Variants in NSF observed in about 807,000 individuals in gnomAD.
NSF encodes the protein vesicle-fusing ATPase.
NSF carries 14 observed loss-of-function variants against 50.3 expected under a neutral mutation model. The ratio of observed to expected loss-of-function variants is 0.28; its 90% CI spans 0.18 to 0.44. The LOEUF is 0.44. Ranked by LOEUF, NSF falls within the 20% of genes least tolerant of loss-of-function variation. NSF has a pLI of 1.00. For synonymous variants in NSF, 109 were observed against 175.7 expected, an observed-to-expected ratio of 0.62 and a Z score of 3.00; for missense variants, 218 against 504.3, an observed-to-expected ratio of 0.43 and a Z score of 5.44.
rs769365188 is a variant in NSF, at chr17:46,704,817, G to A, written c.1433G>A (p.Gly478Glu). The A allele has an allele frequency of 1.2e-6, 2 of 1,609,054 alleles. No individual in the cohort carries two copies. The highest frequency in any genetic ancestry group is 2.2e-5 in the South Asian group (2 of 89,860). Residue 478 changes from glycine (G) to glutamate (E), a missense_variant, in exon 13 of 21, where the codon GGA (glycine) becomes GAA (glutamate). By Grantham distance (98) the Gly-to-Glu change is moderately conservative (BLOSUM62 -2). This residue lies in a region of NSF where 9 missense variants were observed against 183.4 expected (regional missense o/e 0.05). Transcript: ENST00000398238. ...GCAGAAAGCCTGCAAGTGACGAGAGGAGACTTCCTTGCTTCTTTGGAGAAT... is the reference window on the plus strand; with the variant it reads ...GCAGAAAGCCTGCAAGTGACGAGAGAAGACTTCCTTGCTTCTTTGGAGAAT... ...EKAESLQVTR[G>E]DFLASLENDI...
chr17:46,690,644 G>A (rs1436223753), intron 9 of NSF, among the ~76,000 whole-genome samples: 1 of 110,002 alleles, frequency 9.1e-6, no homozygotes, highest in African/African-American at 3.5e-5. Context: ...TATATATATT[G>A]TATAGGGATG....
chr17:46,752,453 T>TC (rs778861098), intron 19 of NSF, among the ~76,000 whole-genome samples: 309 of 152,038 alleles, frequency 2.0e-3, no homozygotes, highest in Non-Finnish European at 3.7e-3. Context: ...AGTAAACTTT[T>TC]ATTATTATTA....
intron 8 of NSF, among the ~76,000 whole-genome samples, chr17:46,657,689 C>T (rs1452587204): frequency 9.0e-6 from 1 of 111,058 alleles, no homozygotes; most frequent in Non-Finnish European, 1.9e-5. Flanking sequence ...CCTCATAGCC[C>T]TTTTTAAATG....
intron 15 of NSF, among the ~76,000 whole-genome samples, 161 bp from the exon 16 acceptor site, chr17:46,726,388 T>A (rs1446548053): frequency 1.3e-5 from 2 of 152,234 alleles, no homozygotes; most frequent in East Asian, 1.9e-4. Flanking sequence ...CTGCTCTCTG[T>A]TCAGCGGTGA....
intron 17 of NSF, among the ~76,000 whole-genome samples, chr17:46,745,003 G>C (rs1256531978): frequency 6.6e-6 from 1 of 151,644 alleles, no homozygotes; most frequent in Non-Finnish European, 1.5e-5. Flanking sequence ...AGTATGCTGG[G>C]AGCAATTTCT....
At chr17:46,750,710 G>T (rs907883445) in intron 18 of NSF, among the ~76,000 whole-genome samples, 10 of 152,084 alleles carry the variant, frequency 6.6e-5, no homozygotes, top group Non-Finnish European at 1.2e-4. Context: ...AGATTACTTG[G>T]ACCAGAAACT....
chr17:46,737,387 C>T (rs2059016424), intron 17 of NSF, among the ~76,000 whole-genome samples: 1 of 152,156 alleles, frequency 6.6e-6, no homozygotes, highest in South Asian at 2.1e-4. Flanking sequence ...TTTTTAGCAT[C>T]AGCATATCCC....
At chr17:46,723,440 T>C (rs1471184633) in intron 15 of NSF, among the ~76,000 whole-genome samples, 1 of 152,250 alleles carries the variant, frequency 6.6e-6, no homozygotes, top group Admixed American at 6.5e-5. Flanking sequence ...GTAGAACTGC[T>C]TCTGAGCTTT....
In NSF at chr17:46,756,522, C is replaced by T. The variant is rs141599417; in HGVS notation, c.*699C>T. ...TTTGCTCTGTGGTAAGAGATATGCT[C>T]ATTATTACCACTTAGAAGATGTTGT... is the stretch of plus-strand genomic sequence containing the variant. On this transcript the variant is annotated 3_prime_UTR_variant, in exon 21 of 21. Coordinates refer to ENST00000398238, the MANE Select transcript of NSF (RefSeq NM_006178.4). 0.01 allele frequency: 1,548 copies of T among 152,356 alleles called. 10 individuals carry two copies. Among genetic ancestry groups the T allele is most frequent in the Non-Finnish European group, 0.015 (1,049 of 68,008 alleles). 9.4% of individuals were successfully genotyped at this position (152,356 alleles called of 1,614,324 possible). A position where few individuals can be genotyped will look rare whatever the true frequency, so the allele number is the denominator to read the frequency against.
At chr17:46,711,529 G>C (rs1052157724) in intron 14 of NSF, among the ~76,000 whole-genome samples, 4 of 152,190 alleles carry the variant, frequency 2.6e-5, no homozygotes, top group African/African-American at 7.2e-5. Context: ...CCTGACTACG[G>C]TGTATGTGTG....
intron 15 of NSF, among the ~76,000 whole-genome samples, chr17:46,724,865 C>G (rs936800197): frequency 1.2e-4 from 18 of 152,120 alleles, no homozygotes; most frequent in African/African-American, 4.1e-4. Context: ...AGATGGCTTC[C>G]TCTGTCATGG....
chr17:46,733,339 C>T (rs1480948736), intron 17 of NSF, among the ~76,000 whole-genome samples: 1 of 152,070 alleles, frequency 6.6e-6, no homozygotes, highest in East Asian at 1.9e-4. Context: ...TAGATCTCTT[C>T]TGCCACCTTC....
intron 9 of NSF, among the ~76,000 whole-genome samples, chr17:46,688,253 G>A (rs1022806681): frequency 6.6e-6 from 1 of 151,090 alleles, no homozygotes; most frequent in Admixed American, 6.6e-5. Context: ...GCTCACGCCT[G>A]TAATCCTAGC....
chr17:46,719,692 G>A lies in NSF; in HGVS notation c.1761+5706G>A, dbSNP rs2058808824. Among the ~76,000 whole-genome samples the A allele has an allele frequency of 6.6e-6, 1 of 151,818 alleles. No individual in the cohort carries two copies. On this transcript the variant is annotated intron_variant, in intron 15 of 20. Coordinates refer to ENST00000398238, the MANE Select transcript of NSF (RefSeq NM_006178.4). This position sits in a 1 kb window ranked among gnomAD's most constrained non-coding sequence, Gnocchi z 4.3. ...AATTTTAATTCCTTTATCCATTTTT[G>A]CATCAATACTTGTTTAAAAATCTAT...
chr17:46,723,122 T>G lies in NSF; in HGVS notation c.1762-3427T>G, dbSNP rs796856526. On this transcript the variant is annotated intron_variant, in intron 15 of 20. Transcript: ENST00000398238. ...ATACCATGTAGCAAGTCATCATTAG[T>G]TTAGACCTAAGCAATGTCCTGAGTA... Among the ~76,000 whole-genome samples the G allele has an allele frequency of 2.0e-5, 3 of 152,300 alleles. No individual in the cohort carries two copies. The East Asian group carries it at 5.8e-4, about 29-fold the overall frequency.
At chr17:46,739,268 G>A (rs1467903416) in intron 17 of NSF, among the ~76,000 whole-genome samples, 2 of 151,750 alleles carry the variant, frequency 1.3e-5, no homozygotes, top group Non-Finnish European at 2.9e-5. Context: ...CTACTCAGGA[G>A]GCTGAGGCAG....
intron 15 of NSF, among the ~76,000 whole-genome samples, chr17:46,716,354 T>C (rs2058769255): frequency 6.6e-6 from 1 of 152,010 alleles, no homozygotes; most frequent in African/African-American, 2.4e-5. Flanking sequence ...CCTCCCGGGT[T>C]CATGCCATTC....
At chr17:46,595,515 G>A (rs1005074587) in intron 1 of NSF, among the ~76,000 whole-genome samples, 2 of 122,276 alleles carry the variant, frequency 1.6e-5, no homozygotes, top group African/African-American at 8.8e-5. Flanking sequence ...TTTTGAGACG[G>A]AGTCTTGCTC....
intron 19 of NSF, among the ~76,000 whole-genome samples, chr17:46,752,405 C>T (rs1229829471): frequency 6.6e-6 from 1 of 152,188 alleles, no homozygotes; most frequent in Non-Finnish European, 1.5e-5. Flanking sequence ...ATTGAGTCCA[C>T]AGCCCCTGGA....
Sources: gnomAD v4.1 joint callset for allele counts (sites outside exome capture counted in the v4.1 genomes callset) on GRCh38, gnomAD v4.1.1 for gene constraint, gnomAD v4.1.1 regional missense constraint, Gnocchi (gnomAD v3.1) non-coding constraint, MANE v1.5 for transcripts, NCBI Gene and HGNC (gene_info 2026-07-23, HGNC 2026-07-21) for gene names.